Variants in TYW1B observed in about 807,000 individuals in gnomAD.
TYW1B encodes the protein tRNA-yW synthesizing protein 1 homolog B, also known as S-adenosyl-L-methionine-dependent tRNA 4-demethylwyosine synthase TYW1B.
Under a neutral mutation model 86.9 loss-of-function variants are expected in TYW1B, and 73 were observed. The ratio of observed to expected loss-of-function variants is 0.84; its 90% CI spans 0.70 to 1.02. The LOEUF (loss-of-function observed/expected upper bound fraction) is 1.02, where lower values mean the gene tolerates loss of function less well. Ranked by LOEUF, TYW1B falls within the 50% of genes least tolerant of loss-of-function variation. The pLI is 0.00. For synonymous variants in TYW1B, 248 were observed against 292.8 expected (o/e 0.85, Z 1.56); for missense variants, 637 against 827.4 (o/e 0.77, Z 2.82).
intron 10 of TYW1B, among the ~76,000 whole-genome samples, chr7:72,700,319 C>T (rs1377225588): frequency 6.6e-6 from 1 of 151,724 alleles, no homozygotes; most frequent in Non-Finnish European, 1.5e-5. Flanking sequence ...GGATTATAGG[C>T]ACCCACCACC....
chr7:72,681,987 C>T (rs529080411), intron 11 of TYW1B, among the ~76,000 whole-genome samples: 36 of 152,128 alleles, frequency 2.4e-4, no homozygotes, highest in Non-Finnish European at 3.4e-4. Context: ...AGGTGATTCT[C>T]CTGCCTCAGC....
chr7:72,817,732 C>T (rs1788750843), intron 2 of TYW1B, among the ~76,000 whole-genome samples: 1 of 152,082 alleles, frequency 6.6e-6, no homozygotes, highest in African/African-American at 2.4e-5. Context: ...CAGGCTTGAG[C>T]AAGTGGCTCA....
chr7:72,625,890 G>A (rs1812332650), intron 12 of TYW1B, among the ~76,000 whole-genome samples: 1 of 105,204 alleles, frequency 9.5e-6, no homozygotes, highest in African/African-American at 3.6e-5. Context: ...GGGGGGAGAG[G>A]TGGGGCGGGG....
intron 11 of TYW1B, among the ~76,000 whole-genome samples, chr7:72,679,882 C>A (rs1446919082): frequency 6.6e-6 from 1 of 152,158 alleles, no homozygotes; most frequent in Non-Finnish European, 1.5e-5. Context: ...GTAATCCCAG[C>A]ACTTTGGGAG....
At chr7:72,709,772 A>C (rs1814706567) in intron 10 of TYW1B, among the ~76,000 whole-genome samples, 1 of 152,082 alleles carries the variant, frequency 6.6e-6, no homozygotes, top group Non-Finnish European at 1.5e-5. Context: ...TTAAACTCTC[A>C]TTTTCAGGAT....
chr7:72,576,512 T>G (rs1169865322), intron 13 of TYW1B, among the ~76,000 whole-genome samples: 4 of 144,010 alleles, frequency 2.8e-5, no homozygotes, highest in Non-Finnish European at 1.5e-5. Context: ...CCACTGTCTT[T>G]TTTTTTTTTT....
intron 7 of TYW1B, among the ~76,000 whole-genome samples, chr7:72,751,041 C>CTTTT (rs376564412): frequency 6.8e-6 from 1 of 146,508 alleles, no homozygotes; most frequent in East Asian, 2.0e-4. Context: ...GGTAAATTCC[C>CTTTT]TTTTTTTTTT....
chr7:72,678,664 G>C (rs1474682853), intron 11 of TYW1B, among the ~76,000 whole-genome samples: 5 of 118,682 alleles, frequency 4.2e-5, no homozygotes, highest in Non-Finnish European at 8.2e-5. Flanking sequence ...TCGCTCAGCC[G>C]CCAAGTAGCT....
rs1159230553 is a variant in TYW1B, at chr7:72,770,908, G to A, written c.964+6508C>T. Among the ~76,000 whole-genome samples, 3 of 147,512 alleles carry A rather than the reference G, an allele frequency of 2.0e-5. No individual in the cohort carries two copies. In the Admixed American group the frequency reaches 2.0e-4, roughly 10 times the overall value. On this transcript the variant is annotated intron_variant, in intron 7 of 13. Coordinates refer to ENST00000620995, the MANE Select transcript of TYW1B (RefSeq NM_001145440.3). ...AAAATAGGTTGAGTTTAAGAAGCCA[G>A]TTGCAAAAGACTGCACATTACATGA...
intron 10 of TYW1B, among the ~76,000 whole-genome samples, chr7:72,707,466 A>C (rs1196427612): frequency 6.6e-6 from 1 of 152,256 alleles, no homozygotes; most frequent in Admixed American, 6.5e-5. Context: ...GCAGCAAAAG[A>C]GAACTGACAC....
rs1291190199 is a variant in TYW1B, at chr7:72,575,652, T to C, written c.1853A>G (p.Tyr618Cys). The change falls in exon 14 of 14, where the codon TAT (tyrosine) becomes TGT (cysteine). Residue 618 changes from tyrosine to cysteine, a missense_variant. Tyr to Cys is a radical substitution (Grantham distance 194). Coordinates refer to ENST00000620995, the MANE Select transcript of TYW1B (RefSeq NM_001145440.3). ...CGTTTTTGATCCACCACTATCTTCATATTCCTGGATGAGCTCCTGGAAGCG... is the reference window on the plus strand; with the variant it reads ...CGTTTTTGATCCACCACTATCTTCACATTCCTGGATGAGCTCCTGGAAGCG... ...YNRFQELIQEYEDSGGSKTFS... is the reference protein window; with the variant it reads ...YNRFQELIQECEDSGGSKTFS... 8 of 1,613,738 alleles carry C rather than the reference T, an allele frequency of 5.0e-6. No homozygotes were observed. The highest frequency in any genetic ancestry group is 6.8e-6 in the Non-Finnish European group (8 of 1,179,794).
intron 11 of TYW1B, among the ~76,000 whole-genome samples, chr7:72,649,763 G>A (rs1253692507): frequency 6.6e-6 from 1 of 152,132 alleles, no homozygotes; most frequent in South Asian, 2.1e-4. Flanking sequence ...CCCTAGAGCA[G>A]GTCTATTTCT....
At chr7:72,635,874 G>C (rs1331612124) in intron 11 of TYW1B, among the ~76,000 whole-genome samples, 1 of 152,154 alleles carries the variant, frequency 6.6e-6, no homozygotes, top group African/African-American at 2.4e-5. Flanking sequence ...CTTTTTACCA[G>C]ACTAAGTCTT....
At chr7:72,751,629 T>C (rs1787501855) in intron 7 of TYW1B, among the ~76,000 whole-genome samples, 2 of 152,364 alleles carry the variant, frequency 1.3e-5, no homozygotes, top group South Asian at 2.1e-4. Flanking sequence ...TCATTTGATT[T>C]ATCTGGTGTT....
chr7:72,711,466 TTTAA>T (rs578215177), intron 10 of TYW1B, among the ~76,000 whole-genome samples: 68 of 133,124 alleles, frequency 5.1e-4, no homozygotes, highest in South Asian at 3.6e-3. Context: ...TTCTCTCCTC[TTTAA>T]TTCTTTTTTT....
chr7:72,669,025 CA>C (rs1302639086), intron 11 of TYW1B, among the ~76,000 whole-genome samples: 3 of 150,360 alleles, frequency 2.0e-5, no homozygotes, highest in African/African-American at 7.4e-5. Flanking sequence ...ACACACAAAG[CA>C]AGAGTTGGTG....
At chr7:72,596,098 C>A (rs1811524056) in intron 13 of TYW1B, among the ~76,000 whole-genome samples, 1 of 148,246 alleles carries the variant, frequency 6.7e-6, no homozygotes, top group Admixed American at 6.9e-5. Context: ...ATCACTTGAA[C>A]CCGGGAGGCA....
At chr7:72,737,787 C>T (rs797042890) in intron 8 of TYW1B, among the ~76,000 whole-genome samples, 19 of 138,854 alleles carry the variant, frequency 1.4e-4, no homozygotes, top group African/African-American at 2.4e-4. Flanking sequence ...CATTTTACTT[C>T]TTTTTTTTTT....
chr7:72,617,393 A>G (rs1406018544), intron 12 of TYW1B, among the ~76,000 whole-genome samples: 3 of 152,160 alleles, frequency 2.0e-5, no homozygotes, highest in Non-Finnish European at 4.4e-5. Flanking sequence ...TTTGAGACAG[A>G]GTCTTGCTCT....
Sources: gnomAD v4.1 joint callset for allele counts (sites outside exome capture counted in the v4.1 genomes callset) on GRCh38, gnomAD v4.1.1 for gene constraint, MANE v1.5 for transcripts, NCBI Gene and HGNC (gene_info 2026-07-23, HGNC 2026-07-21) for gene names.